DNM1L: variants seen among roughly 807,000 people sequenced by gnomAD.
DNM1L encodes the protein dynamin 1L, also known as dynamin-1-like protein.
In DNM1L, 33 loss-of-function variants were observed where a neutral mutation model predicts 92.8. That is an observed-to-expected ratio of 0.36 (90% confidence interval 0.27 to 0.48). The LOEUF (loss-of-function observed/expected upper bound fraction) is 0.48, where lower values mean the gene tolerates loss of function less well. Ranked by LOEUF, DNM1L falls within the 20% of genes least tolerant of loss-of-function variation. DNM1L has a pLI of 0.99. For missense variants in DNM1L, 485 were observed against 888.8 expected (o/e 0.55, Z 5.78); for synonymous variants, 284 against 305.0 (o/e 0.93, Z 0.72).
In DNM1L at chr12:32,740,223, G is replaced by A. The variant is rs757191582; in HGVS notation, c.1867G>A (p.Val623Met). 1 of 1,614,156 alleles carries A rather than the reference G, an allele frequency of 6.2e-7. No homozygotes were observed. Among genetic ancestry groups the A allele is most frequent in the Non-Finnish European group, 8.5e-7 (1 of 1,180,032 alleles). ...AGCCAGTCCACAAAAAGGTCATGCCGTGAACCTGCTAGATGTGGTAAGCCA... is the reference window on the plus strand; with the variant it reads ...AGCCAGTCCACAAAAAGGTCATGCCATGAACCTGCTAGATGTGGTAAGCCA... ...MPASPQKGHA[V>M]NLLDVPVPVA... The change falls in exon 17 of 20, where the codon GTG (valine) becomes ATG (methionine). Residue 623 changes from valine to methionine, a missense_variant. Physicochemically the swap from Val to Met is conservative, Grantham distance 21. This residue lies in a region of DNM1L where 133 missense variants were observed against 210.9 expected (regional missense o/e 0.63). Transcript: ENST00000549701.
Position 32,725,099 on chromosome 12 carries a change from T to A in DNM1L, c.1079+2466T>A, listed in dbSNP as rs1453412647. 6 of 152,162 alleles carry A rather than the reference T, an allele frequency of 3.9e-5. No homozygotes were observed. The South Asian group carries it at 6.2e-4, about 16-fold the overall frequency. The allele number at this position is 152,162 out of a possible 1,614,324, so 9.4% of individuals were successfully genotyped here. A position where few individuals can be genotyped will look rare whatever the true frequency, so the allele number is the denominator to read the frequency against. ...TTTTCTTCTTCTTCTTCTTTTTTTT[T>A]ACACTTGCTTATTAGTATAGTATCT... On this transcript the variant is annotated intron_variant, in intron 9 of 19. Coordinates refer to ENST00000549701, the MANE Select transcript of DNM1L (RefSeq NM_012062.5).
chr12:32,710,129 A>G (rs576417937), intron 4 of DNM1L, among the ~76,000 whole-genome samples: 2 of 152,280 alleles, frequency 1.3e-5, no homozygotes, highest in African/African-American at 4.8e-5. Flanking sequence ...GGTGAAGAGG[A>G]GGGAGCCTAC....
At chr12:32,684,835 AGTTTATTCATCAATTGAT>A (rs1951940737) in intron 1 of DNM1L, among the ~76,000 whole-genome samples, 1 of 152,130 alleles carries the variant, frequency 6.6e-6, no homozygotes, top group Non-Finnish European at 1.5e-5. Context: ...GATACAGCAC[AGTTTATTCATCAATTGAT>A]GAATTTTTGG....
chr12:32,737,586 C>A, intron 14 of DNM1L: 1 of 441,378 alleles, frequency 2.3e-6, no homozygotes, highest in Non-Finnish European at 4.1e-6. Context: ...AAATCTTTTA[C>A]CTTGAATTCT....
chr12:32,696,302 CA>C (rs1030377021), intron 1 of DNM1L, among the ~76,000 whole-genome samples: 2 of 151,554 alleles, frequency 1.3e-5, no homozygotes, highest in African/African-American at 4.9e-5. Context: ...TTTGGGAGGC[CA>C]AGGTGGGGGT....
chr12:32,738,500 T>C (rs1955059707), intron 16 of DNM1L, among the ~76,000 whole-genome samples: 1 of 152,186 alleles, frequency 6.6e-6, no homozygotes, highest in African/African-American at 2.4e-5. Context: ...TCTCACTGTT[T>C]TGTTACCTTC....
At chr12:32,717,927 A>AC (rs1953582700) in intron 6 of DNM1L, among the ~76,000 whole-genome samples, 1 of 83,056 alleles carries the variant, frequency 1.2e-5, no homozygotes, top group Non-Finnish European at 2.2e-5. Context: ...TATAGTATAT[A>AC]TTTTATATAT....
intron 13 of DNM1L, among the ~76,000 whole-genome samples, chr12:32,734,412 A>G (rs572139843): frequency 8.5e-5 from 13 of 152,322 alleles, no homozygotes; most frequent in African/African-American, 2.9e-4. Flanking sequence ...GTCCCCTGCT[A>G]TACCAAATTT....
At chr12:32,733,677 T>C (rs1177072168) in intron 12 of DNM1L, 38 bp from the exon 13 acceptor site, 1 of 1,511,254 alleles carries the variant, frequency 6.6e-7, no homozygotes, top group Non-Finnish European at 9.2e-7. Context: ...ATATGGTTGA[T>C]GTATTTTTGT....
At chr12:32,727,180 G>T (rs1954206952) in intron 9 of DNM1L, 1 of 900,978 alleles carries the variant, frequency 1.1e-6, no homozygotes, top group Non-Finnish European at 1.9e-6. Context: ...TCCTCTGTAG[G>T]TTCATAAATT....
Position 32,716,558 on chromosome 12 carries a change from A to G in DNM1L, c.620-2085A>G, listed in dbSNP as rs548984157. On this transcript the variant is annotated intron_variant, in intron 6 of 19. Coordinates refer to ENST00000549701, the MANE Select transcript of DNM1L (RefSeq NM_012062.5). Reference sequence around the variant, plus strand: ...GGTCTCGAACTCCTGGGCTCAAGCAATCTGTCTGCCTTGGCCTTCCAAAGT... The same window carrying G: ...GGTCTCGAACTCCTGGGCTCAAGCAGTCTGTCTGCCTTGGCCTTCCAAAGT... Among the ~76,000 whole-genome samples, 88 of 152,084 alleles carry G rather than the reference A, an allele frequency of 5.8e-4. 1 individual carries two copies. The highest frequency in any genetic ancestry group is 2.0e-3 in the African/African-American group (85 of 41,502).
intron 2 of DNM1L, among the ~76,000 whole-genome samples, chr12:32,703,041 GTCTTTCTC>G (rs141673635): frequency 0.14 from 21,036 of 149,856 alleles, 1,477 homozygotes; most frequent in Middle Eastern, 0.19. Context: ...ATGATATTAG[GTCTTTCTC>G]TCTCTCTCTT....
At chr12:32,738,191 C>T in intron 15 of DNM1L, 73 bp from the exon 16 acceptor site, 2 of 1,552,674 alleles carry the variant, frequency 1.3e-6, no homozygotes, top group Non-Finnish European at 1.8e-6. Context: ...TTATCCTGCA[C>T]TTTTTGAATT....
chr12:32,728,005 C>A (rs1250558918), intron 9 of DNM1L, among the ~76,000 whole-genome samples: 2 of 152,200 alleles, frequency 1.3e-5, no homozygotes, highest in African/African-American at 4.8e-5. Flanking sequence ...CATTTCTCTA[C>A]ACCCTCATTA....
chr12:32,723,469 G>A (rs537915639), intron 9 of DNM1L, among the ~76,000 whole-genome samples: 3 of 152,214 alleles, frequency 2.0e-5, no homozygotes, highest in South Asian at 4.1e-4. Context: ...GGCTGAGGCG[G>A]GTGAATCACC....
chr12:32,717,407 A>AC (rs1565517835), intron 6 of DNM1L, among the ~76,000 whole-genome samples: 3 of 43,446 alleles, frequency 6.9e-5, no homozygotes, highest in African/African-American at 6.2e-4. Context: ...ATAATATATA[A>AC]TATATATTTT....
intron 1 of DNM1L, among the ~76,000 whole-genome samples, chr12:32,693,845 C>T (rs1319683536): frequency 6.6e-6 from 1 of 152,042 alleles, no homozygotes; most frequent in Non-Finnish European, 1.5e-5. Context: ...ACCATGTTGC[C>T]CAGGATGGTC....
At chr12:32,693,492 T>G (rs938301056) in intron 1 of DNM1L, among the ~76,000 whole-genome samples, 1 of 152,224 alleles carries the variant, frequency 6.6e-6, no homozygotes, top group Non-Finnish European at 1.5e-5. Context: ...TTTTGTATAT[T>G]GTTTAAGAAG....
At chr12:32,683,253 T>C (rs1486968375) in intron 1 of DNM1L, among the ~76,000 whole-genome samples, 1 of 152,236 alleles carries the variant, frequency 6.6e-6, no homozygotes, top group African/African-American at 2.4e-5. Flanking sequence ...TTTTAGGGTC[T>C]GGCTCTTTCA....
Sources: gnomAD v4.1 joint callset for allele counts (sites outside exome capture counted in the v4.1 genomes callset) on GRCh38, gnomAD v4.1.1 for gene constraint, gnomAD v4.1.1 regional missense constraint, MANE v1.5 for transcripts, NCBI Gene and HGNC (gene_info 2026-07-23, HGNC 2026-07-21) for gene names.